LAMA5: variants seen among roughly 807,000 people sequenced by gnomAD.
LAMA5 encodes laminin subunit alpha-5.
In LAMA5, 260 loss-of-function variants were observed where a neutral mutation model predicts 433.4. The ratio of observed to expected loss-of-function variants is 0.60; its 90% confidence interval spans 0.54 to 0.66. The LOEUF (loss-of-function observed/expected upper bound fraction) is 0.66, where lower values mean the gene tolerates loss of function less well. Ranked by LOEUF, LAMA5 falls within the 30% of genes least tolerant of loss-of-function variation. The pLI is 0.00. For missense variants in LAMA5, 5,378 were observed against 5,258.5 expected (o/e 1.02, Z -0.70); for synonymous variants, 2,620 against 2,226.6 (o/e 1.18, Z -4.97).
chr20:62,312,766 C>G lies in LAMA5; in HGVS notation c.9093G>C (p.Leu3031=). 1 of 1,590,600 alleles carries G rather than the reference C, an allele frequency of 6.3e-7. No homozygotes were observed. Among genetic ancestry groups the G allele is most frequent in the Non-Finnish European group, 8.5e-7 (1 of 1,170,892 alleles). The part of the protein sequence containing the change: ...TSASKAIQVF[L]LGGSRKRVLV... ...GCACACGCTTGCGGCTGCCCCCCAG[C>G]AGGAACACCTGGATCTACAGGACCA... The change falls in exon 67 of 80, where the codon CTG becomes CTC. Residue 3031 remains leucine (L), a synonymous_variant. Transcript: ENST00000252999.
chr20:62,337,058 A>G (rs1981762520), intron 16 of LAMA5: 1 of 648,900 alleles, frequency 1.5e-6, no homozygotes, highest in Admixed American at 2.1e-5. Context: ...AGTGTGTGAC[A>G]CACGTCTGAA....
At position 62,323,551 on chromosome 20, in the gene LAMA5, G is replaced by A; in HGVS notation, c.5969C>T (p.Ala1990Val). The change falls in exon 45 of 80, where the codon GCC (alanine) becomes GTC (valine). Residue 1990 changes from alanine to valine, a missense_variant. Physicochemically the swap from Ala to Val is moderately conservative, Grantham distance 64. Transcript: ENST00000252999. ...LFSDCDPLTG[A>V]CRGCLRHTTG... ...GGTGTGGCGCAGGCAGCCACGGCAG[G>A]CGCCCGTCAGGGGGTCGCAGTCGCT... 6.3e-7 allele frequency: 1 copy of A among 1,593,934 alleles called. No individual in the cohort carries two copies. The highest frequency in any genetic ancestry group is 8.5e-7 in the Non-Finnish European group (1 of 1,173,092).
chr20:62,315,130 G>T lies in LAMA5; in HGVS notation c.7945C>A (p.Gln2649Lys). The T allele has an allele frequency of 6.2e-7, 1 of 1,609,934 alleles. No individual in the cohort carries two copies. Among genetic ancestry groups the T allele is most frequent in the Non-Finnish European group, 8.5e-7 (1 of 1,179,766 alleles). ...AQDTATRVQS[Q>K]LQAMQENVER... The stretch of plus-strand genomic sequence containing the variant: ...ACATTCTCCTGCATGGCCTGCAGCT[G>T]GGACTGCACACGGGTGGCGGTGTCC... Residue 2649 changes from glutamine (Q) to lysine (K), a missense_variant, in exon 59 of 80, where the codon CAG becomes AAG. Transcript: ENST00000252999.
rs577468888 is a variant in LAMA5, at chr20:62,311,724, G to C, written c.9696C>G (p.Pro3232=). 2 of 1,561,748 alleles carry C rather than the reference G, an allele frequency of 1.3e-6. No individual in the cohort carries two copies. The highest frequency in any genetic ancestry group is 1.7e-6 in the Non-Finnish European group (2 of 1,153,964). Residue 3232 remains proline, a synonymous_variant, in exon 71 of 80, where the codon CCC becomes CCG. Transcript: ENST00000252999. ...GCCCCTCAGGCTGCGGCTGGAGCTC[G>C]GGGGGTGGTCCCCGGTGGGGCTTCA... ...QQMKPHRGPP[P]ELQPQPEGPP...
At chr20:62,337,063 T>C (rs2146228384) in intron 16 of LAMA5, 1 of 643,870 alleles carries the variant, frequency 1.6e-6, no homozygotes, top group Non-Finnish European at 2.9e-6. Context: ...GTGACACACG[T>C]CTGAACAAGC....
At chr20:62,316,147 C>A in intron 57 of LAMA5, 89 bp from the exon 58 acceptor site, 2 of 833,070 alleles carry the variant, frequency 2.4e-6, no homozygotes, top group East Asian at 2.6e-5. Context: ...CCAGGAGGAC[C>A]AAGGCTGACA....
chr20:62,367,288 C>G lies in LAMA5; in HGVS notation c.-43G>C. The G allele has an allele frequency of 8.8e-7, 1 of 1,136,608 alleles. No individual in the cohort carries two copies. The highest frequency in any genetic ancestry group is 4.6e-5 in the East Asian group (1 of 21,798). The allele number at this position is 1,136,608 out of a possible 1,614,324, so 70.4% of individuals were successfully genotyped here. A position where few individuals can be genotyped will look rare whatever the true frequency, so the allele number is the denominator to read the frequency against. ...GCGTCCCCGAGCTCCAGGGACAGCG[C>G]GCGCGGCGGGAGCCCGGCGGGTCTG... On this transcript the variant is annotated 5_prime_UTR_variant, in exon 1 of 80. Coordinates refer to ENST00000252999, the MANE Select transcript of LAMA5 (RefSeq NM_005560.6).
chr20:62,313,511 C>A, intron 63 of LAMA5, 51 bp from the exon 64 acceptor site: 1 of 1,560,522 alleles, frequency 6.4e-7, no homozygotes, highest in Non-Finnish European at 8.7e-7. Flanking sequence ...GCCTCCCCTC[C>A]AGGATGGACC....
At chr20:62,364,214 G>A (rs1334698537) in intron 1 of LAMA5, among the ~76,000 whole-genome samples, 1 of 152,208 alleles carries the variant, frequency 6.6e-6, no homozygotes, top group African/African-American at 2.4e-5. Context: ...AAACTCAAGA[G>A]CTCAATGACA....
chr20:62,317,503 G>A lies in LAMA5; in HGVS notation c.7357-4C>T, dbSNP rs1601297115. ...TGGCGGCGAGGCGCTCCAGCTCCTG[G>A]AATTTGAGTGGACTTAGCCCCTCAT... On this transcript the variant is annotated splice_polypyrimidine_tract_variant and splice_region_variant and intron_variant, in intron 54 of 79. Transcript: ENST00000252999. The A allele has an allele frequency of 6.5e-7, 1 of 1,538,214 alleles. No homozygotes were observed. The highest frequency in any genetic ancestry group is 1.4e-5 in the African/African-American group (1 of 72,620).
Position 62,330,932 on chromosome 20 carries a change from C to T in LAMA5, c.3663G>A (p.Leu1221=), listed in dbSNP as rs748458714. ...GAFGPNSAAC[L]PSRFPKPPQP... ...GGGGCGGCTTTGGGAAGCGCGAGGGCAGACAGGCGGCACTGGTGAGAGCAC... is the reference window on the plus strand; with the variant it reads ...GGGGCGGCTTTGGGAAGCGCGAGGGTAGACAGGCGGCACTGGTGAGAGCAC... The change falls in exon 30 of 80, where the codon CTG becomes CTA. Residue 1221 remains leucine, a synonymous_variant. Coordinates refer to ENST00000252999, the MANE Select transcript of LAMA5 (RefSeq NM_005560.6). 13 of 1,551,732 alleles carry T rather than the reference C, an allele frequency of 8.4e-6. No homozygotes were observed. In the South Asian group the frequency reaches 1.4e-4, roughly 17 times the overall value.
chr20:62,313,350 C>T lies in LAMA5; in HGVS notation c.8769G>A (p.Thr2923=), dbSNP rs377307153. The T allele has an allele frequency of 1.1e-4, 177 of 1,571,214 alleles. No individual in the cohort carries two copies. Among genetic ancestry groups the T allele is most frequent in the Non-Finnish European group, 1.4e-4 (163 of 1,158,828 alleles). ...ACCGGGCACAAGGCCTGTCCACAGC[C>T]GTGTCCAGCTGGAAGGTCCTCTCGA... ...YNFERTFQLD[T]AVDRPCARSK... The change falls in exon 64 of 80, where the codon ACG becomes ACA. Residue 2923 remains threonine, a synonymous_variant. Transcript: ENST00000252999.
At chr20:62,349,009 C>A (rs1983782355) in intron 6 of LAMA5, among the ~76,000 whole-genome samples, 1 of 152,128 alleles carries the variant, frequency 6.6e-6, no homozygotes, top group Non-Finnish European at 1.5e-5. Context: ...GTGGCTCACA[C>A]CTGTAATCCC....
At chr20:62,312,600 G>A (rs1365256571) in intron 67 of LAMA5, 32 bp downstream of exon 67, 3 of 1,600,168 alleles carry the variant, frequency 1.9e-6, no homozygotes, top group Non-Finnish European at 2.6e-6. Context: ...CAACAGCCTG[G>A]CCTCGGAGCC....
intron 62 of LAMA5, 50 bp from the exon 63 acceptor site, chr20:62,313,852 G>A (rs766094277): frequency 2.6e-6 from 4 of 1,548,380 alleles, no homozygotes; most frequent in Admixed American, 1.8e-5. Context: ...GATGAGGGGT[G>A]GCGAGTGGGC....
chr20:62,353,116 A>C lies in LAMA5; in HGVS notation c.568+18T>G. On this transcript the variant is annotated intron_variant, in intron 3 of 79. Transcript: ENST00000252999. ...CCCCCTGCCTCTCCCCCCAGGCCCC[A>C]CGGCGGCAGAGACTCACAGGCAAAG... The C allele has an allele frequency of 6.5e-7, 1 of 1,541,444 alleles. No individual in the cohort carries two copies. Among genetic ancestry groups the C allele is most frequent in the Non-Finnish European group, 8.8e-7 (1 of 1,135,098 alleles).
At chr20:62,333,284 G>T in intron 25 of LAMA5, 41 bp from the exon 26 acceptor site, 1 of 1,586,910 alleles carries the variant, frequency 6.3e-7, no homozygotes, top group Non-Finnish European at 8.6e-7. Flanking sequence ...GGTCCACCCA[G>T]GTCCCCAGAG....
rs143066016 is a variant in LAMA5 at position 62,322,102 on chromosome 20, C to A, written c.6413G>T (p.Ser2138Ile). 2.0e-3 allele frequency: 3,214 copies of A among 1,602,818 alleles called. 8 individuals are homozygous for A. The highest frequency in any genetic ancestry group is 2.3e-3 in the Non-Finnish European group (2,671 of 1,179,142). The change falls in exon 48 of 80, where the codon AGC becomes ATC. Residue 2138 changes from serine to isoleucine, a missense_variant. By Grantham distance (142) the Ser-to-Ile change is moderately radical. Coordinates refer to ENST00000252999, the MANE Select transcript of LAMA5 (RefSeq NM_005560.6). Reference sequence around the variant, plus strand: ...GCTGCAGGTGTCGCAGCGCTCCCCGCTGAGCCCCGGGGGGCAGTTGCAGCG... The same window carrying A: ...GCTGCAGGTGTCGCAGCGCTCCCCGATGAGCCCCGGGGGGCAGTTGCAGCG... Reference protein sequence around the residue: ...TGRCNCPPGLSGERCDTCSQQ... With the variant: ...TGRCNCPPGLIGERCDTCSQQ...
chr20:62,337,169 C>T (rs920611512), intron 16 of LAMA5, among the ~76,000 whole-genome samples: 4 of 152,034 alleles, frequency 2.6e-5, no homozygotes, highest in Admixed American at 1.3e-4. Flanking sequence ...ACTTGAGACA[C>T]GCGATACGCG....
Sources: allele counts gnomAD v4.1 joint callset (sites outside exome capture counted in the v4.1 genomes callset), GRCh38; gene constraint gnomAD v4.1.1; transcripts MANE v1.5; gene names NCBI Gene and HGNC (gene_info 2026-07-23, HGNC 2026-07-21).